The following FAF1 variants were observed in gnomAD, a reference collection of about 807,000 sequenced individuals.
FAF1 encodes the protein Fas associated factor 1.
A neutral mutation model predicts 92.5 loss-of-function variants in FAF1; 25 were observed. The observed-to-expected ratio is 0.27, with a 90% CI of 0.20 to 0.38. The LOEUF (loss-of-function observed/expected upper bound fraction) is 0.38. Among genes scored for constraint, FAF1 ranks in the 10% least tolerant of loss-of-function variants. The probability of loss-of-function intolerance (pLI) is 1.00; values close to 1 mark genes in which losing one functional copy is unlikely to be tolerated. For missense variants in FAF1, 636 were observed against 793.3 expected (o/e 0.80, Z 2.38); for synonymous variants, 234 against 273.2 (o/e 0.86, Z 1.42).
In FAF1 at chr1:50,469,144, A is replaced by G. The variant is rs1356569558; in HGVS notation, c.1869+6320T>C. Reference sequence around the variant, plus strand: ...TTATGTAAACAGTTTTTATCAAATGACTTCTACCTAAAAATTCAGGTGTCC... The same window carrying G: ...TTATGTAAACAGTTTTTATCAAATGGCTTCTACCTAAAAATTCAGGTGTCC... On this transcript the variant is annotated intron_variant, in intron 18 of 18. Transcript: ENST00000396153. Among the ~76,000 whole-genome samples the G allele has an allele frequency of 2.6e-5, 4 of 152,264 alleles. No individual in the cohort carries two copies. The East Asian group carries it at 7.7e-4, about 29-fold the overall frequency.
chr1:50,515,430 T>C (rs1647204797), intron 15 of FAF1, among the ~76,000 whole-genome samples: 1 of 152,124 alleles, frequency 6.6e-6, no homozygotes, highest in South Asian at 2.1e-4. Flanking sequence ...ATACAGGAAA[T>C]TTGTGAAAAC....
At chr1:50,896,798 A>T (rs1399624713) in intron 1 of FAF1, among the ~76,000 whole-genome samples, 1 of 152,204 alleles carries the variant, frequency 6.6e-6, no homozygotes, top group Non-Finnish European at 1.5e-5. Flanking sequence ...GGGCATGGAA[A>T]ATTTGTGTTT....
chr1:50,483,233 G>A (rs1646723505), intron 17 of FAF1, among the ~76,000 whole-genome samples: 1 of 151,808 alleles, frequency 6.6e-6, no homozygotes, highest in South Asian at 2.1e-4. Context: ...ATATTCAATT[G>A]TTGCAGCATC....
intron 1 of FAF1, among the ~76,000 whole-genome samples, chr1:50,869,065 T>C (rs1196335231): frequency 6.6e-6 from 1 of 152,148 alleles, no homozygotes; most frequent in Non-Finnish European, 1.5e-5. Flanking sequence ...TGCTTGACAA[T>C]GAGTGTACAC....
chr1:50,557,419 TAAGGA>T (rs1649642173), intron 13 of FAF1, among the ~76,000 whole-genome samples: 1 of 152,162 alleles, frequency 6.6e-6, no homozygotes, highest in Non-Finnish European at 1.5e-5. Flanking sequence ...AACATATGCT[TAAGGA>T]AAGGACACCC....
intron 8 of FAF1, among the ~76,000 whole-genome samples, chr1:50,617,534 T>C (rs1652976830): frequency 6.6e-6 from 1 of 152,038 alleles, no homozygotes; most frequent in South Asian, 2.1e-4. Context: ...TTGAGGTGCT[T>C]CCGGATTCAG....
At chr1:50,668,710 A>T (rs1655740423) in intron 7 of FAF1, among the ~76,000 whole-genome samples, 1 of 152,202 alleles carries the variant, frequency 6.6e-6, no homozygotes, top group African/African-American at 2.4e-5. Context: ...ACTGGCCTTT[A>T]ATTAAGAAAG....
At chr1:50,809,575 G>A (rs550347581) in intron 2 of FAF1, among the ~76,000 whole-genome samples, 2 of 152,198 alleles carry the variant, frequency 1.3e-5, no homozygotes, top group Admixed American at 6.5e-5. Flanking sequence ...TGAAGAAACT[G>A]AATCTCTGAA....
At chr1:50,477,282 AC>A (rs1431729105) in intron 17 of FAF1, among the ~76,000 whole-genome samples, 1 of 152,150 alleles carries the variant, frequency 6.6e-6, no homozygotes, top group Non-Finnish European at 1.5e-5. Flanking sequence ...AATTATATAG[AC>A]CATATATATA....
At chr1:50,919,704 G>T (rs1644947940) in intron 1 of FAF1, among the ~76,000 whole-genome samples, 1 of 152,046 alleles carries the variant, frequency 6.6e-6, no homozygotes, top group East Asian at 1.9e-4. Flanking sequence ...GGCCAGGATG[G>T]TCTCGAACTC....
chr1:50,515,554 A>G (rs1008171828), intron 15 of FAF1, among the ~76,000 whole-genome samples: 1 of 152,168 alleles, frequency 6.6e-6, no homozygotes, highest in Non-Finnish European at 1.5e-5. Context: ...CAGCAAACAA[A>G]ATAACAGAAA....
At chr1:50,631,394 T>C (rs1384400973) in intron 8 of FAF1, among the ~76,000 whole-genome samples, 1 of 152,224 alleles carries the variant, frequency 6.6e-6, no homozygotes, top group African/African-American at 2.4e-5. Context: ...CCATGCTGTA[T>C]ACTCAACCTG....
In FAF1 at chr1:50,619,279, G is replaced by A. The variant is rs377535263; in HGVS notation, c.745-23063C>T. Among the ~76,000 whole-genome samples, 14 of 152,286 alleles carry A rather than the reference G, an allele frequency of 9.2e-5. No homozygotes were observed. The East Asian group carries it at 2.5e-3, about 27-fold the overall frequency. ...TATGTGATTTTGATCCTGTCATTGTGGTGTTAGCTGGCTGCTATGTAGACC... is the reference window on the plus strand; with the variant it reads ...TATGTGATTTTGATCCTGTCATTGTAGTGTTAGCTGGCTGCTATGTAGACC... On this transcript the variant is annotated intron_variant, in intron 8 of 18. Coordinates refer to ENST00000396153, the MANE Select transcript of FAF1 (RefSeq NM_007051.3).
At chr1:50,808,095 T>G (rs1028167903) in intron 2 of FAF1, among the ~76,000 whole-genome samples, 4 of 152,120 alleles carry the variant, frequency 2.6e-5, no homozygotes, top group Non-Finnish European at 4.4e-5. Context: ...GATTGAGGGA[T>G]TATATTCAGC....
chr1:50,506,805 C>T (rs1448443155), intron 15 of FAF1, among the ~76,000 whole-genome samples: 1 of 151,968 alleles, frequency 6.6e-6, no homozygotes, highest in African/African-American at 2.4e-5. Context: ...AAGAAGTGAC[C>T]ATATATACAA....
At chr1:50,728,547 T>C (rs1484793843) in intron 6 of FAF1, among the ~76,000 whole-genome samples, 1 of 151,978 alleles carries the variant, frequency 6.6e-6, no homozygotes, top group African/African-American at 2.4e-5. Context: ...TTCCAGCACT[T>C]TGGGAGGCTG....
chr1:50,540,459 C>T (rs1242846254), intron 13 of FAF1, among the ~76,000 whole-genome samples: 1 of 152,146 alleles, frequency 6.6e-6, no homozygotes, highest in Non-Finnish European at 1.5e-5. Context: ...AACAACTGTA[C>T]TTTACAATTA....
Position 50,954,785 on chromosome 1 carries a change from C to T in FAF1, c.45+4982G>A, listed in dbSNP as rs530037950. Reference sequence around the variant, plus strand: ...CTTGAACTCCTGACCTCAAGTGATCCGCCTGCCTCGGCCTCCCAAGGTGCT... The same window carrying T: ...CTTGAACTCCTGACCTCAAGTGATCTGCCTGCCTCGGCCTCCCAAGGTGCT... On this transcript the variant is annotated intron_variant, in intron 1 of 18. Transcript: ENST00000396153. Among the ~76,000 whole-genome samples the T allele has an allele frequency of 2.3e-3, 349 of 152,168 alleles. 5 individuals carry two copies. The highest frequency in any genetic ancestry group is 2.9e-4 in the Non-Finnish European group (20 of 67,992).
chr1:50,636,379 CTT>C (rs1213567555), intron 8 of FAF1, among the ~76,000 whole-genome samples: 11,686 of 78,560 alleles, frequency 0.15, 189 homozygotes, highest in Middle Eastern at 0.24. Context: ...GGGGCGTGTC[CTT>C]TTTTTTTTTT....
Sources: allele counts gnomAD v4.1 joint callset (sites outside exome capture counted in the v4.1 genomes callset), GRCh38; gene constraint gnomAD v4.1.1; transcripts MANE v1.5; gene names NCBI Gene and HGNC (gene_info 2026-07-23, HGNC 2026-07-21).